Variants in NCALD observed in about 807,000 individuals in gnomAD.
NCALD encodes neurocalcin delta, also known as neurocalcin-delta.
NCALD carries 10 observed loss-of-function variants against 18.6 expected under a neutral mutation model. The observed-to-expected ratio is 0.54, with a 90% CI of 0.33 to 0.91. The LOEUF (loss-of-function observed/expected upper bound fraction) is 0.91, where lower values mean the gene tolerates loss of function less well. Ranked by LOEUF, NCALD falls within the 40% of genes least tolerant of loss-of-function variation. NCALD has a pLI of 0.03. For synonymous variants in NCALD, 88 were observed against 87.4 expected (o/e 1.01, Z -0.04); for missense variants, 184 against 247.6 (o/e 0.74, Z 1.72).
rs1299498366 is a variant in NCALD, at chr8:101,687,360, C to T, written c.*1949G>A. 6.5e-6 allele frequency: 1 copy of T among 152,676 alleles called. No homozygotes were observed. The highest frequency in any genetic ancestry group is 2.4e-5 in the African/African-American group (1 of 41,464). The allele number at this position is 152,676 out of a possible 1,614,324, so 9.5% of individuals were successfully genotyped here. A position where few individuals can be genotyped will look rare whatever the true frequency, so the allele number is the denominator to read the frequency against. On this transcript the variant is annotated 3_prime_UTR_variant, in exon 4 of 4. Transcript: ENST00000220931. ...GCCTTCTGTGTCTTAGGTTAATTCG[C>T]TATTTTCCAAACACAGATTTTAACA...
intron 1 of NCALD, among the ~76,000 whole-genome samples, chr8:101,736,926 T>C (rs1044445576): frequency 2.0e-5 from 3 of 152,204 alleles, no homozygotes; most frequent in South Asian, 2.1e-4. Context: ...TATTGACTGA[T>C]TGAGTGCATT....
intron 4 of NCALD, chr8:101,872,122 T>G: frequency 1.2e-6 from 2 of 1,603,720 alleles, no homozygotes; most frequent in Non-Finnish European, 1.7e-6. Context: ...AAATTTGACA[T>G]CAGGAAACTT....
chr8:102,087,384 T>C (rs1824772477), intron 1 of NCALD, among the ~76,000 whole-genome samples: 1 of 151,888 alleles, frequency 6.6e-6, no homozygotes, highest in African/African-American at 2.4e-5. Flanking sequence ...CCAAAGGAAA[T>C]AGACTGCAGC....
At chr8:101,793,177 C>T (rs112337126), upstream of NCALD, among the ~76,000 whole-genome samples, 871 of 151,972 alleles carry the variant, frequency 5.7e-3, 11 homozygotes, top group African/African-American at 0.018. Flanking sequence ...GGTGAAACCC[C>T]GTCTCTATTA....
intron 2 of NCALD, among the ~76,000 whole-genome samples, chr8:101,995,881 C>T (rs761851699): frequency 1.3e-5 from 2 of 152,204 alleles, no homozygotes; most frequent in Non-Finnish European, 2.9e-5. Flanking sequence ...GAATTCCGAG[C>T]AATCTCTTCT....
chr8:101,688,690 G>GA lies in NCALD; in HGVS notation c.*618dup. On this transcript the variant is annotated 3_prime_UTR_variant, in exon 4 of 4. Transcript: ENST00000220931. ...ATTAGCTCAACTAGTGTAAACCTGTGAAAAAATAGCTGAGCCATCTTTTTC... is the reference window on the plus strand; with the variant it reads ...ATTAGCTCAACTAGTGTAAACCTGTGAAAAAAATAGCTGAGCCATCTTTTTC... 2.1e-6 allele frequency: 1 copy of GA among 473,474 alleles called. No individual in the cohort carries two copies. Among genetic ancestry groups the GA allele is most frequent in the Non-Finnish European group, 4.2e-6 (1 of 238,560 alleles). 29.3% of individuals were successfully genotyped at this position (473,474 alleles called of 1,614,324 possible).
intron 2 of NCALD, among the ~76,000 whole-genome samples, chr8:101,916,227 T>A (rs1415072437): frequency 6.6e-6 from 1 of 152,090 alleles, no homozygotes; most frequent in African/African-American, 2.4e-5. Context: ...GCCTTCCAGA[T>A]GTATCAAAGT....
chr8:101,781,504 AC>A (rs765944384), intron 1 of NCALD, among the ~76,000 whole-genome samples: 1 of 152,190 alleles, frequency 6.6e-6, no homozygotes, highest in Non-Finnish European at 1.5e-5. Context: ...CAATTTACAA[AC>A]CTTCACAATT....
chr8:102,055,169 A>C (rs1823606114), intron 1 of NCALD, among the ~76,000 whole-genome samples: 1 of 152,018 alleles, frequency 6.6e-6, no homozygotes, highest in Admixed American at 6.6e-5. Flanking sequence ...GTGCATTTAC[A>C]CAAAGGCGCC....
intron 2 of NCALD, among the ~76,000 whole-genome samples, chr8:101,714,179 A>G (rs1274793440): frequency 6.6e-6 from 1 of 152,222 alleles, no homozygotes; most frequent in Non-Finnish European, 1.5e-5. Context: ...GCGTATTCAA[A>G]TAAGAAGAGA....
chr8:102,124,272 G>A (rs1289105564), exon 1 of NCALD: 1 of 151,808 alleles, frequency 6.6e-6, no homozygotes, highest in Non-Finnish European at 1.5e-5. Flanking sequence ...GTCGCTTCGG[G>A]CGAGGCGGCG....
chr8:102,070,715 T>C (rs537794317), intron 1 of NCALD, among the ~76,000 whole-genome samples: 56 of 152,220 alleles, frequency 3.7e-4, no homozygotes, highest in African/African-American at 1.3e-3. Context: ...AATGCAAAAA[T>C]AGGTATCAAT....
intron 2 of NCALD, among the ~76,000 whole-genome samples, chr8:101,716,840 A>G (rs888636313): frequency 6.6e-6 from 1 of 152,220 alleles, no homozygotes; most frequent in African/African-American, 2.4e-5. Flanking sequence ...AGAGTAAAAT[A>G]CACAGAGGAT....
chr8:102,034,928 T>C (rs911780342), intron 1 of NCALD, among the ~76,000 whole-genome samples: 10 of 152,194 alleles, frequency 6.6e-5, no homozygotes, highest in African/African-American at 2.4e-4. Context: ...TAGAACTTCT[T>C]CATCTTGCAA....
chr8:101,715,029 AG>A (rs1380881018), intron 2 of NCALD, among the ~76,000 whole-genome samples: 1 of 151,410 alleles, frequency 6.6e-6, no homozygotes, highest in East Asian at 1.9e-4. Flanking sequence ...ACAAAGCTGG[AG>A]GCATCATGCT....
intron 1 of NCALD, among the ~76,000 whole-genome samples, chr8:101,731,100 G>A (rs1178260534): frequency 5.3e-5 from 8 of 152,122 alleles, no homozygotes; most frequent in Non-Finnish European, 1.0e-4. Flanking sequence ...AGGGCACCAT[G>A]GAGGTAAGTG....
chr8:101,872,631 C>G (rs959314464), intron 4 of NCALD: 4 of 456,882 alleles, frequency 8.8e-6, no homozygotes, highest in Non-Finnish European at 1.2e-5. Context: ...TTTGGCTGAC[C>G]CTTGCAGATA....
chr8:102,074,560 A>G (rs945912462), intron 1 of NCALD, among the ~76,000 whole-genome samples: 1 of 152,130 alleles, frequency 6.6e-6, no homozygotes, highest in Non-Finnish European at 1.5e-5. Context: ...TTGTGCCCCA[A>G]ACCCAGACTG....
chr8:101,718,050 T>G (rs1297692551), intron 2 of NCALD, among the ~76,000 whole-genome samples: 2 of 152,180 alleles, frequency 1.3e-5, no homozygotes, highest in Non-Finnish European at 2.9e-5. Flanking sequence ...GACTTAGCAC[T>G]CTAGGAAACA....
Sources: allele counts gnomAD v4.1 joint callset (sites outside exome capture counted in the v4.1 genomes callset), GRCh38; gene constraint gnomAD v4.1.1; transcripts MANE v1.5; gene names NCBI Gene and HGNC (gene_info 2026-07-23, HGNC 2026-07-21).